The following NBPF10 variants were observed in gnomAD, a reference collection of about 807,000 sequenced individuals.
NBPF10 encodes the protein NBPF family member NBPF10.
A neutral mutation model predicts 77.9 loss-of-function variants in NBPF10; 63 were observed. The observed-to-expected ratio is 0.81, with a 90% CI of 0.66 to 1.00. The LOEUF (loss-of-function observed/expected upper bound fraction) is 1.00. NBPF10 is among the 50% of genes least tolerant of loss of function. NBPF10 has a pLI of 0.00. For synonymous variants in NBPF10, 146 were observed against 264.5 expected, an observed-to-expected ratio of 0.55 and a Z score of 4.35; for missense variants, 522 against 679.8, an observed-to-expected ratio of 0.77 and a Z score of 2.58.
At chr1:146,136,206 T>C (rs1659684633) in intron 7 of NBPF10, 147 bp downstream of exon 7, 1 of 792,608 alleles carries the variant, frequency 1.3e-6, no homozygotes, top group Admixed American at 2.4e-5. Flanking sequence ...CCTTCTTCTC[T>C]GATAAATATT....
chr1:146,123,481 C>T (rs1387113682), intron 17 of NBPF10, among the ~76,000 whole-genome samples: 5 of 61,582 alleles, frequency 8.1e-5, no homozygotes, highest in African/African-American at 3.5e-4. Context: ...GATAGACACA[C>T]ACACACACAC....
At chr1:146,137,344 C>G (rs1160575631) in intron 6 of NBPF10, among the ~76,000 whole-genome samples, 1 of 75,362 alleles carries the variant, frequency 1.3e-5, no homozygotes, top group African/African-American at 4.1e-5. Context: ...AGCAGGACTT[C>G]ACTCTCACCA....
At chr1:146,069,596 C>G (rs782265122) in exon 86 of NBPF10, 9 of 1,538,644 alleles carry the variant, frequency 5.8e-6, no homozygotes, top group South Asian at 1.1e-5. Flanking sequence ...ATAAAAGGCA[C>G]TTCTGTAGGG....
At chr1:146,125,157 TC>T (rs1658458968) in intron 15 of NBPF10, among the ~76,000 whole-genome samples, 1 of 23,188 alleles carries the variant, frequency 4.3e-5, no homozygotes, top group Non-Finnish European at 7.5e-5. Context: ...GTTAGTGCCC[TC>T]GGGACACACA....
intron 11 of NBPF10, among the ~76,000 whole-genome samples, chr1:146,128,751 C>T (rs1302923573): frequency 6.7e-6 from 1 of 150,342 alleles, no homozygotes; most frequent in East Asian, 2.0e-4. Flanking sequence ...AAAATACTAG[C>T]CAACATACTA....
At chr1:146,067,780 C>A (rs868967951) in intron 88 of NBPF10, among the ~76,000 whole-genome samples, 2 of 151,584 alleles carry the variant, frequency 1.3e-5, no homozygotes, top group Non-Finnish European at 2.9e-5. Flanking sequence ...GATCAGGGCG[C>A]CACAGGTATG....
intron 11 of NBPF10, among the ~76,000 whole-genome samples, chr1:146,128,935 G>A (rs587726396): frequency 6.6e-6 from 1 of 150,872 alleles, no homozygotes; most frequent in South Asian, 2.1e-4. Context: ...CACACAGAAA[G>A]GAATAGCATC....
intron 17 of NBPF10, among the ~76,000 whole-genome samples, chr1:146,123,506 A>G (rs1553788864): frequency 1.9e-5 from 2 of 103,374 alleles, no homozygotes; most frequent in East Asian, 2.6e-4. Context: ...ACACACACAC[A>G]CACACACACA....
chr1:146,126,222 A>G lies in NBPF10; in HGVS notation c.2026+14T>C, dbSNP rs587760451. On this transcript the variant is annotated intron_variant, in intron 14 of 89. Coordinates refer to ENST00000583866, the Ensembl canonical transcript of NBPF10. ...CTCAGTGGATCCTTATCACCTTCAT[A>G]GAAAGGTACTCACCATCCATGTCAA... is the stretch of plus-strand genomic sequence containing the variant. 1.3e-5 allele frequency: 20 copies of G among 1,575,392 alleles called. 1 individual carries two copies. In the East Asian group the frequency reaches 4.5e-4, roughly 35 times the overall value.
At chr1:146,135,886 C>T (rs370146797) in intron 7 of NBPF10, among the ~76,000 whole-genome samples, 2 of 143,614 alleles carry the variant, frequency 1.4e-5, no homozygotes, top group East Asian at 2.1e-4. Flanking sequence ...GATACAAAGC[C>T]ATGTACAGAA....
Position 146,073,168 on chromosome 1 carries a change from A to G in NBPF10, c.10131-267T>C, listed in dbSNP as rs1351317585. 6.4e-5 allele frequency among the ~76,000 whole-genome samples: 4 copies of G among 62,332 alleles called. 1 individual carries two copies. The highest frequency in any genetic ancestry group is 1.2e-4 in the Non-Finnish European group (4 of 34,712). The allele number at this position is 62,332 out of a possible 152,430, so 40.9% of individuals were successfully genotyped here. On this transcript the variant is annotated intron_variant, in intron 81 of 89. Transcript: ENST00000583866. ...CGGGTGACACACTGATGAAGGGGTCAAAGGACACTCTGAGTTAGTGCCCTC... is the reference window on the plus strand; with the variant it reads ...CGGGTGACACACTGATGAAGGGGTCGAAGGACACTCTGAGTTAGTGCCCTC...
chr1:146,136,384 C>G (rs782600723), exon 7 of NBPF10: 1 of 1,608,910 alleles, frequency 6.2e-7, no homozygotes, highest in African/African-American at 1.4e-5. Context: ...AGCTGCTCTG[C>G]AAGCTTCTCC....
At chr1:146,066,773 G>C (rs1360047334) in intron 89 of NBPF10, among the ~76,000 whole-genome samples, 14 of 151,938 alleles carry the variant, frequency 9.2e-5, no homozygotes, top group Non-Finnish European at 2.1e-4. Flanking sequence ...GAGAGAGACA[G>C]AGACAGAGAC....
intron 88 of NBPF10, among the ~76,000 whole-genome samples, 159 bp downstream of exon 88, chr1:146,067,844 C>A (rs1553778341): frequency 6.6e-6 from 1 of 151,814 alleles, no homozygotes; most frequent in Non-Finnish European, 1.5e-5. Context: ...GTCTAGGCTT[C>A]CAGCTGAGAC....
Position 146,142,596 on chromosome 1 carries a change from A to G in NBPF10, c.278+54T>C. The G allele has an allele frequency of 4.2e-6, 4 of 945,928 alleles. 1 individual carries two copies. Among genetic ancestry groups the G allele is most frequent in the Admixed American group, 1.9e-5 (1 of 51,712 alleles). 58.6% of individuals were successfully genotyped at this position (945,928 alleles called of 1,614,324 possible). A position where few individuals can be genotyped will look rare whatever the true frequency, so the allele number is the denominator to read the frequency against. ...TTACTTCTCCCCGCCGAGCTGCTGT[A>G]CTTCAGAGATCTACACACCTACCCG... is the stretch of plus-strand genomic sequence containing the variant. On this transcript the variant is annotated intron_variant, in intron 2 of 89. Coordinates refer to ENST00000583866, the Ensembl canonical transcript of NBPF10.
At chr1:146,125,943 T>C (rs76619606) in intron 14 of NBPF10, among the ~76,000 whole-genome samples, 12 of 151,626 alleles carry the variant, frequency 7.9e-5, no homozygotes, top group African/African-American at 2.4e-4. Flanking sequence ...CTACAAAATT[T>C]AGACAAAATC....
rs368889182 is a variant in NBPF10 at position 146,136,230 on chromosome 1, C to T, written c.1091+123G>A. On this transcript the variant is annotated intron_variant, in intron 7 of 89. Coordinates refer to ENST00000583866, the Ensembl canonical transcript of NBPF10. ...CTGATAAATATTTGTGTGTAGCGAG[C>T]CTGCCATGGCAATTCCTGCCCTTCC... 52 of 831,266 alleles carry T rather than the reference C, an allele frequency of 6.3e-5. 1 individual carries two copies. The South Asian group carries it at 6.9e-4, about 11-fold the overall frequency. 51.5% of individuals were successfully genotyped at this position (831,266 alleles called of 1,614,324 possible).
At chr1:146,069,311 G>C (rs1553779213) in intron 86 of NBPF10, among the ~76,000 whole-genome samples, 1 of 91,624 alleles carries the variant, frequency 1.1e-5, no homozygotes, top group Non-Finnish European at 2.2e-5. Context: ...CTTGAGAGTA[G>C]GATTAGGGCG....
Position 146,081,028 on chromosome 1 carries a change from C to G in NBPF10, c.8892-251G>C, listed in dbSNP as rs61807985. The stretch of plus-strand genomic sequence containing the variant: ...ACACACACACACACACACACACACA[C>G]ACAGAGAGAGAGAGAGAGAACGAGC... On this transcript the variant is annotated intron_variant, in intron 71 of 89. Coordinates refer to ENST00000583866, the Ensembl canonical transcript of NBPF10. Among the ~76,000 whole-genome samples the G allele has an allele frequency of 9.5e-3, 595 of 62,748 alleles. 1 individual carries two copies. Among genetic ancestry groups the G allele is most frequent in the Non-Finnish European group, 0.013 (296 of 22,574 alleles). 41.2% of individuals were successfully genotyped at this position (62,748 alleles called of 152,430 possible).
Sources: gnomAD v4.1 joint callset for allele counts (sites outside exome capture counted in the v4.1 genomes callset) on GRCh38, gnomAD v4.1.1 for gene constraint, MANE v1.5 for transcripts, NCBI Gene and HGNC (gene_info 2026-07-23, HGNC 2026-07-21) for gene names.